FCER1A: variants seen among roughly 807,000 people sequenced by gnomAD.
The protein encoded by FCER1A is Fc epsilon receptor Ia, also known as high affinity immunoglobulin epsilon receptor subunit alpha.
A neutral mutation model predicts 23.6 loss-of-function variants in FCER1A; 24 were observed. The ratio of observed to expected loss-of-function variants is 1.02; its 90% CI spans 0.74 to 1.43. The LOEUF (loss-of-function observed/expected upper bound fraction) is 1.43. FCER1A is among the 40% of genes most tolerant of loss of function. The pLI, the probability that FCER1A is intolerant of heterozygous loss-of-function variation, is 0.00. For synonymous variants in FCER1A, 121 were observed against 108.8 expected (o/e 1.11, Z -0.70); for missense variants, 318 against 294.5 (o/e 1.08, Z -0.58).
chr1:159,302,458 A>C, intron 1 of FCER1A, 39 bp downstream of exon 1: 2 of 1,445,242 alleles, frequency 1.4e-6, no homozygotes, highest in Non-Finnish European at 1.9e-6. Flanking sequence ...GGGAGGCCCA[A>C]ATGAATTTGG....
In FCER1A at chr1:159,307,796, T is replaced by C. The variant is rs757753621; in HGVS notation, c.638T>C (p.Val213Ala). 6.2e-7 allele frequency: 1 copy of C among 1,612,844 alleles called. No homozygotes were observed. Among genetic ancestry groups the C allele is most frequent in the East Asian group, 2.2e-5 (1 of 44,870 alleles). The part of the protein sequence containing the change: ...WLQFFIPLLV[V>A]ILFAVDTGLF... ...CAATTTTTTATCCCATTGTTGGTGG[T>C]GATTCTGTTTGCTGTGGACACAGGA... Residue 213 changes from valine to alanine, a missense_variant, in exon 5 of 5, where the codon GTG becomes GCG. Val to Ala is a moderately conservative substitution (Grantham distance 64). Transcript: ENST00000693622.
chr1:159,296,919 C>T (rs548700936), intron 1 of FCER1A, among the ~76,000 whole-genome samples: 52 of 152,282 alleles, frequency 3.4e-4, no homozygotes, highest in Non-Finnish European at 5.7e-4. Context: ...CTCTTTCACG[C>T]ACTAGAAACA....
chr1:159,307,312 G>C (rs1652644576), intron 4 of FCER1A, among the ~76,000 whole-genome samples: 1 of 152,164 alleles, frequency 6.6e-6, no homozygotes, highest in South Asian at 2.1e-4. Context: ...AATAGAATTG[G>C]AAGGCAATTT....
chr1:159,293,643 G>A (rs1652216361), intron 1 of FCER1A, among the ~76,000 whole-genome samples: 1 of 146,788 alleles, frequency 6.8e-6, no homozygotes, highest in Admixed American at 7.3e-5. Context: ...AATATGCGGT[G>A]TTTGGTTTTT....
At chr1:159,286,424 C>G (rs928658221), upstream of FCER1A, among the ~76,000 whole-genome samples, 2 of 151,680 alleles carry the variant, frequency 1.3e-5, no homozygotes, top group Non-Finnish European at 2.9e-5. Context: ...GCTCCGCCTC[C>G]CGGGTTCATG....
upstream of FCER1A, among the ~76,000 whole-genome samples, chr1:159,300,592 G>A (rs115982608): frequency 0.054 from 8,180 of 152,102 alleles, 324 homozygotes; most frequent in Admixed American, 0.085. Flanking sequence ...TTGAGATTGC[G>A]TAGATATATT....
chr1:159,291,959 T>C (rs972837170), intron 1 of FCER1A, among the ~76,000 whole-genome samples: 1 of 152,182 alleles, frequency 6.6e-6, no homozygotes, highest in East Asian at 1.9e-4. Context: ...AACGATTTCC[T>C]CTAGAATTGT....
upstream of FCER1A, among the ~76,000 whole-genome samples, chr1:159,287,176 T>A (rs956096817): frequency 1.3e-5 from 2 of 152,174 alleles, no homozygotes; most frequent in African/African-American, 2.4e-5. Flanking sequence ...TGCTTGTGGC[T>A]TCTGAGAGGA....
In FCER1A at chr1:159,302,379, G is replaced by A. The variant is rs142102904; in HGVS notation, c.15G>A (p.Met5Ile). 6.2e-7 allele frequency: 1 copy of A among 1,611,388 alleles called. No homozygotes were observed. Among genetic ancestry groups the A allele is most frequent in the Non-Finnish European group, 8.5e-7 (1 of 1,177,526 alleles). Reference protein sequence around the residue: MAPAMESPTLLCVAL... With the variant: MAPAIESPTLLCVAL... The stretch of plus-strand genomic sequence containing the variant: ...CCATGAAGAAGATGGCTCCTGCCAT[G>A]GAATCCCCTACTCTACTGTGTGTAG... Residue 5 changes from methionine to isoleucine, a missense_variant, in exon 1 of 5, where the codon ATG (methionine) becomes ATA (isoleucine). Met to Ile is a conservative substitution (Grantham distance 10, BLOSUM62 1). Transcript: ENST00000693622.
At chr1:159,302,522 G>A (rs1389752753) in intron 1 of FCER1A, 103 bp downstream of exon 1, 3 of 861,216 alleles carry the variant, frequency 3.5e-6, no homozygotes, top group African/African-American at 1.7e-5. Context: ...TCTAGGACAT[G>A]TGCAAACTAT....
At chr1:159,284,216 T>C in the FCER1A span, among the ~76,000 whole-genome samples, 6 of 152,118 alleles carry the variant, frequency 3.9e-5, no homozygotes, top group African/African-American at 1.2e-4. Flanking sequence ...CAAATTTCCT[T>C]GAGTCTCACT....
intron 4 of FCER1A, among the ~76,000 whole-genome samples, chr1:159,307,506 G>A (rs751243324): frequency 1.3e-5 from 2 of 152,060 alleles, no homozygotes; most frequent in Non-Finnish European, 2.9e-5. Flanking sequence ...CTCTGGGCAC[G>A]GCACACTGGC....
At chr1:159,293,115 T>C (rs929241281) in intron 1 of FCER1A, among the ~76,000 whole-genome samples, 32 of 151,912 alleles carry the variant, frequency 2.1e-4, no homozygotes, top group Middle Eastern at 6.8e-3. Context: ...GACTAAGACA[T>C]ACATGAAGAG....
chr1:159,297,933 C>T (rs767119935), upstream of FCER1A, among the ~76,000 whole-genome samples: 11 of 152,118 alleles, frequency 7.2e-5, no homozygotes, highest in Non-Finnish European at 1.6e-4. Flanking sequence ...CCTTAAGGAT[C>T]TTCCTCAGTG....
rs750190454 is a variant in FCER1A, at chr1:159,304,150, A to C, written c.299A>C (p.Glu100Ala). 11 of 1,613,754 alleles carry C rather than the reference A, an allele frequency of 6.8e-6. No individual in the cohort carries two copies. The highest frequency in any genetic ancestry group is 2.2e-5 in the East Asian group (1 of 44,890). The stretch of plus-strand genomic sequence containing the variant: ...AAATGTCAGCACCAACAAGTTAATG[A>C]GAGTGAACCTGTGTACCTGGAAGTC... Reference protein sequence around the residue: ...EYKCQHQQVNESEPVYLEVFS... With the variant: ...EYKCQHQQVNASEPVYLEVFS... Residue 100 changes from glutamate (E) to alanine (A), a missense_variant, in exon 3 of 5, where the codon GAG becomes GCG. Transcript: ENST00000693622.
At chr1:159,291,816 C>T (rs1021378601) in intron 1 of FCER1A, among the ~76,000 whole-genome samples, 21 of 152,102 alleles carry the variant, frequency 1.4e-4, no homozygotes, top group African/African-American at 4.8e-4. Flanking sequence ...CTTTTTTAGC[C>T]CACTTCAGTT....
intron 1 of FCER1A, among the ~76,000 whole-genome samples, chr1:159,296,107 A>G (rs1472061605): frequency 6.6e-6 from 1 of 152,148 alleles, no homozygotes; most frequent in African/African-American, 2.4e-5. Flanking sequence ...TATAATGTTT[A>G]TGTCATTTGT....
chr1:159,306,428 T>C (rs983089767), intron 4 of FCER1A, among the ~76,000 whole-genome samples, 183 bp downstream of exon 4: 5 of 152,150 alleles, frequency 3.3e-5, no homozygotes, highest in African/African-American at 4.8e-5. Flanking sequence ...AGCCTTGACT[T>C]GTTAAATGGT....
intron 1 of FCER1A, among the ~76,000 whole-genome samples, chr1:159,294,691 A>G (rs1652249655): frequency 6.6e-6 from 1 of 152,204 alleles, no homozygotes. Context: ...TACTTGTTGA[A>G]CAAAGAAATG....
Sources: allele counts gnomAD v4.1 joint callset (sites outside exome capture counted in the v4.1 genomes callset), GRCh38; gene constraint gnomAD v4.1.1; transcripts MANE v1.5; gene names NCBI Gene and HGNC (gene_info 2026-07-23, HGNC 2026-07-21).